Variants in TNIP3 observed in about 807,000 individuals in gnomAD.
The protein encoded by TNIP3 is TNFAIP3 interacting protein 3, also known as TNFAIP3-interacting protein 3.
In TNIP3, 34 loss-of-function variants were observed where a neutral mutation model predicts 54.1. The ratio of observed to expected loss-of-function variants is 0.63; its 90% confidence interval spans 0.48 to 0.84. The LOEUF (loss-of-function observed/expected upper bound fraction) is 0.84. Among genes scored for constraint, TNIP3 ranks in the 40% least tolerant of loss-of-function variants. The probability of loss-of-function intolerance (pLI) is 0.00; values close to 1 mark genes in which losing one functional copy is unlikely to be tolerated. For synonymous variants in TNIP3, 134 were observed against 136.8 expected (o/e 0.98, Z 0.14); for missense variants, 366 against 387.6 (o/e 0.94, Z 0.47).
rs1728475589 is a variant in TNIP3, at chr4:121,131,600, CCT to C, written c.*1029_*1030del. 6.9e-6 allele frequency: 1 copy of C among 144,808 alleles called. No individual in the cohort carries two copies. The highest frequency in any genetic ancestry group is 1.5e-5 in the Non-Finnish European group (1 of 66,674). The allele number at this position is 144,808 out of a possible 1,614,324, so 9.0% of individuals were successfully genotyped here. The stretch of plus-strand genomic sequence containing the variant: ...CATCATCCCATCAGGACTTTGTCTT[CCT>C]TTTTTTTTTTTTTTTTTTTTTGGTG... On this transcript the variant is annotated 3_prime_UTR_variant, in exon 11 of 11. Transcript: ENST00000057513.
At chr4:121,159,124 TC>T (rs1166760412) in intron 2 of TNIP3, among the ~76,000 whole-genome samples, 5 of 152,154 alleles carry the variant, frequency 3.3e-5, no homozygotes, top group Non-Finnish European at 5.9e-5. Flanking sequence ...GCACCTGCAG[TC>T]CCAGCTACTG....
chr4:121,154,537 G>T lies in TNIP3; in HGVS notation c.492+14C>A. The T allele has an allele frequency of 6.2e-7, 1 of 1,612,930 alleles. No homozygotes were observed. Among genetic ancestry groups the T allele is most frequent in the South Asian group, 1.1e-5 (1 of 90,866 alleles). On this transcript the variant is annotated intron_variant, in intron 5 of 10. Transcript: ENST00000057513. ...CTTCTCATTTTAATCTCCCATGCTTGACCTGACTGATACCTTATTGAGGCG... is the reference window on the plus strand; with the variant it reads ...CTTCTCATTTTAATCTCCCATGCTTTACCTGACTGATACCTTATTGAGGCG...
At chr4:121,222,087 C>T (rs1057072513) in intron 1 of TNIP3, among the ~76,000 whole-genome samples, 2 of 152,304 alleles carry the variant, frequency 1.3e-5, no homozygotes, top group South Asian at 4.1e-4. Flanking sequence ...GCTAAGAGTG[C>T]TCCTAATACT....
chr4:121,216,525 A>T lies in TNIP3; in HGVS notation c.-18-25T>A, dbSNP rs369281109. ...TCTAAAATAAAAAAATATGAAGGACATGAGGCTCAGATGTACGTCAAGGGA... is the reference window on the plus strand; with the variant it reads ...TCTAAAATAAAAAAATATGAAGGACTTGAGGCTCAGATGTACGTCAAGGGA... On this transcript the variant is annotated intron_variant, in intron 1 of 12. Coordinates refer to the TNIP3 transcript ENST00000507879. 198 of 1,535,302 alleles carry T rather than the reference A, an allele frequency of 1.3e-4. No individual in the cohort carries two copies. In the East Asian group the frequency reaches 4.5e-3, roughly 35 times the overall value.
Position 121,132,418 on chromosome 4 carries a change from G to C in TNIP3, c.*213C>G. On this transcript the variant is annotated 3_prime_UTR_variant, in exon 11 of 11. Transcript: ENST00000057513. ...TTCAAGGAAACTGGAAGTTGTATTTGGTTGTATAATAACTGGCTCCTCCAA... is the reference window on the plus strand; with the variant it reads ...TTCAAGGAAACTGGAAGTTGTATTTCGTTGTATAATAACTGGCTCCTCCAA... 2.1e-6 allele frequency: 1 copy of C among 466,112 alleles called. No individual in the cohort carries two copies. Among genetic ancestry groups the C allele is most frequent in the Non-Finnish European group, 3.8e-6 (1 of 262,414 alleles). 28.9% of individuals were successfully genotyped at this position (466,112 alleles called of 1,614,324 possible).
intron 10 of TNIP3, among the ~76,000 whole-genome samples, chr4:121,133,515 A>G (rs1349838402): frequency 1.3e-5 from 2 of 152,226 alleles, no homozygotes; most frequent in Non-Finnish European, 2.9e-5. Flanking sequence ...TTAACATTAA[A>G]TAAATCCACT....
At chr4:121,214,093 G>T (rs1428527694) in intron 2 of TNIP3, among the ~76,000 whole-genome samples, 2 of 152,172 alleles carry the variant, frequency 1.3e-5, no homozygotes, top group African/African-American at 4.8e-5. Context: ...CAGTTCAGGA[G>T]TGATAGAGGG....
chr4:121,219,347 C>A (rs1231472787), upstream of TNIP3, among the ~76,000 whole-genome samples: 3 of 152,160 alleles, frequency 2.0e-5, no homozygotes, highest in Admixed American at 6.5e-5. Flanking sequence ...CCTCCTTTTC[C>A]TCTTTTTTAA....
At chr4:121,189,677 A>G (rs1336690413) in intron 2 of TNIP3, among the ~76,000 whole-genome samples, 1 of 152,168 alleles carries the variant, frequency 6.6e-6, no homozygotes, top group Non-Finnish European at 1.5e-5. Flanking sequence ...TGAAAGTAAC[A>G]TTTTCCTCGG....
Position 121,224,310 on chromosome 4 carries a change from C to T in TNIP3, c.3+3075G>A, listed in dbSNP as rs188460738. On this transcript the variant is annotated intron_variant, in intron 1 of 12. Coordinates refer to the TNIP3 transcript ENST00000509841. ...CCCAGGAGGCAGAGGTTGCAGTGAG[C>T]AGAGATTGTGCTACTGCACTTTAGC... Among the ~76,000 whole-genome samples, 97 of 151,396 alleles carry T rather than the reference C, an allele frequency of 6.4e-4. 2 individuals carry two copies. The highest frequency in any genetic ancestry group is 2.2e-3 in the African/African-American group (89 of 41,192).
chr4:121,139,421 G>A (rs899613544), intron 9 of TNIP3, among the ~76,000 whole-genome samples: 1 of 152,190 alleles, frequency 6.6e-6, no homozygotes, highest in African/African-American at 2.4e-5. Context: ...TTAACGCTTA[G>A]GAATGGAGCA....
intron 1 of TNIP3, among the ~76,000 whole-genome samples, chr4:121,223,232 C>A (rs1727116140): frequency 6.6e-6 from 1 of 152,234 alleles, no homozygotes; most frequent in Non-Finnish European, 1.5e-5. Context: ...TTCCTCCAGG[C>A]AGATGCTCAC....
At chr4:121,160,929 G>A (rs1730409653) in intron 2 of TNIP3, among the ~76,000 whole-genome samples, 2 of 152,086 alleles carry the variant, frequency 1.3e-5, no homozygotes, top group African/African-American at 2.4e-5. Context: ...TTTTTCATTC[G>A]TCACTGCACA....
At chr4:121,174,675 A>G (rs910494848) in intron 3 of TNIP3, among the ~76,000 whole-genome samples, 21 of 144,124 alleles carry the variant, frequency 1.5e-4, no homozygotes, top group African/African-American at 5.0e-4. Flanking sequence ...TCCTCACTGG[A>G]AAAAAAAAAG....
intron 7 of TNIP3, among the ~76,000 whole-genome samples, chr4:121,146,494 T>C (rs536697569): frequency 1.1e-4 from 16 of 152,336 alleles, no homozygotes; most frequent in African/African-American, 3.8e-4. Context: ...TACTTTAATA[T>C]GTTCAATTAC....
intron 2 of TNIP3, among the ~76,000 whole-genome samples, chr4:121,199,173 A>G (rs866635215): frequency 1.3e-5 from 2 of 152,304 alleles, no homozygotes; most frequent in South Asian, 2.1e-4. Flanking sequence ...AAAGCAAAAC[A>G]AAAAACAAAA....
At chr4:121,219,198 T>TACAAACAA (rs113880656), upstream of TNIP3, among the ~76,000 whole-genome samples, 1 of 151,664 alleles carries the variant, frequency 6.6e-6, no homozygotes, top group Non-Finnish European at 1.5e-5. Flanking sequence ...GAAACTCCAT[T>TACAAACAA]ACAAACAAAC....
At chr4:121,146,688 T>C (rs981934889) in intron 7 of TNIP3, among the ~76,000 whole-genome samples, 1 of 152,144 alleles carries the variant, frequency 6.6e-6, no homozygotes, top group East Asian at 1.9e-4. Flanking sequence ...CATTCCAACA[T>C]AGCCCTTCAA....
upstream of TNIP3, among the ~76,000 whole-genome samples, chr4:121,216,956 C>T (rs150266415): frequency 0.025 from 3,749 of 152,058 alleles, 78 homozygotes; most frequent in Admixed American, 0.036. Flanking sequence ...TTTTCTCCAA[C>T]AGGAGTTTAT....
Sources: allele counts gnomAD v4.1 joint callset (sites outside exome capture counted in the v4.1 genomes callset), GRCh38; gene constraint gnomAD v4.1.1; transcripts MANE v1.5; gene names NCBI Gene and HGNC (gene_info 2026-07-23, HGNC 2026-07-21).